The following CSMD1 variants were observed in gnomAD, a reference collection of about 807,000 sequenced individuals.
CSMD1 encodes the protein CUB and Sushi multiple domains 1.
In CSMD1, 213 loss-of-function variants were observed where a neutral mutation model predicts 417.5. The ratio of observed to expected loss-of-function variants is 0.51; its 90% CI spans 0.46 to 0.57. The LOEUF (loss-of-function observed/expected upper bound fraction) is 0.57. CSMD1 is among the 20% of genes least tolerant of loss of function. The probability of loss-of-function intolerance (pLI) is 0.00; values close to 1 mark genes in which losing one functional copy is unlikely to be tolerated. For missense variants in CSMD1, 6,923 were observed against 4,529.7 expected, an observed-to-expected ratio of 1.53 and a Z score of -15.17; for synonymous variants, 2,862 against 1,736.8, an observed-to-expected ratio of 1.65 and a Z score of -16.11.
chr8:3,300,602 T>C (rs1000758208), intron 25 of CSMD1, among the ~76,000 whole-genome samples: 1 of 152,136 alleles, frequency 6.6e-6, no homozygotes, highest in African/African-American at 2.4e-5. Context: ...TAAGGAATTA[T>C]ATAAATATAA....
At chr8:3,913,068 C>A (rs1442307268) in intron 5 of CSMD1, among the ~76,000 whole-genome samples, 3 of 152,096 alleles carry the variant, frequency 2.0e-5, no homozygotes, top group African/African-American at 7.2e-5. Context: ...CATGGCAGCA[C>A]TAGGAAAGGA....
rs537363669 is a variant in CSMD1 at position 4,319,109 on chromosome 8, G to C, written c.415+100844C>G. ...ACATATACATGCACATAGTAACAAA[G>C]TAAGGAGGATTTTAAAAGCAGATTA... On this transcript the variant is annotated intron_variant, in intron 3 of 69. Coordinates refer to ENST00000635120, the MANE Select transcript of CSMD1 (RefSeq NM_033225.6). Among the ~76,000 whole-genome samples the C allele has an allele frequency of 4.1e-3, 618 of 152,206 alleles. 7 individuals are homozygous for C. Among genetic ancestry groups the C allele is most frequent in the Admixed American group, 8.1e-3 (124 of 15,292 alleles).
chr8:4,054,319 G>C (rs931582597), intron 3 of CSMD1, among the ~76,000 whole-genome samples: 3 of 152,130 alleles, frequency 2.0e-5, no homozygotes, highest in African/African-American at 7.2e-5. Context: ...CTCTCCTCTG[G>C]GGAGCTGGGG....
chr8:4,179,764 G>A (rs1369297511), intron 3 of CSMD1, among the ~76,000 whole-genome samples: 3 of 147,048 alleles, frequency 2.0e-5, no homozygotes, highest in African/African-American at 7.6e-5. Flanking sequence ...AAAAAGTGGT[G>A]AACAATATGA....
At chr8:3,671,840 G>A (rs1044867345) in intron 7 of CSMD1, among the ~76,000 whole-genome samples, 1 of 151,976 alleles carries the variant, frequency 6.6e-6, no homozygotes, top group Non-Finnish European at 1.5e-5. Flanking sequence ...TGACTTGAAA[G>A]CAGGCCCACT....
chr8:4,292,095 G>C lies in CSMD1; in HGVS notation c.415+127858C>G, dbSNP rs113628408. Among the ~76,000 whole-genome samples the C allele has an allele frequency of 1.3e-3, 191 of 152,220 alleles. 1 individual carries two copies. Among genetic ancestry groups the C allele is most frequent in the African/African-American group, 4.3e-3 (180 of 41,512 alleles). On this transcript the variant is annotated intron_variant, in intron 3 of 69. Coordinates refer to ENST00000635120, the MANE Select transcript of CSMD1 (RefSeq NM_033225.6). ...GAAAACACCAAGGAGATATACCAGG[G>C]AACAGGAACAATGAAGACCCTGGCC...
chr8:4,795,167 C>T lies in CSMD1; in HGVS notation c.86-157609G>A, dbSNP rs946729436. On this transcript the variant is annotated intron_variant, in intron 1 of 69. Coordinates refer to ENST00000635120, the MANE Select transcript of CSMD1 (RefSeq NM_033225.6). The stretch of plus-strand genomic sequence containing the variant: ...GTAAAGACGTCTAAGAATGTAGTAG[C>T]CACATTTTTAGGTGAAAAGACGCTT... Among the ~76,000 whole-genome samples the T allele has an allele frequency of 2.0e-5, 3 of 149,804 alleles. No individual in the cohort carries two copies. The East Asian group carries it at 5.9e-4, about 29-fold the overall frequency.
intron 3 of CSMD1, among the ~76,000 whole-genome samples, chr8:4,197,608 G>C (rs1028147436): frequency 1.3e-5 from 2 of 152,206 alleles, no homozygotes; most frequent in Admixed American, 1.3e-4. Flanking sequence ...GCTGGACATG[G>C]TGGCTCATGC....
At chr8:4,361,301 A>T (rs1801744922) in intron 3 of CSMD1, among the ~76,000 whole-genome samples, 1 of 152,182 alleles carries the variant, frequency 6.6e-6, no homozygotes, top group African/African-American at 2.4e-5. Context: ...CAAGATAAAG[A>T]AACTTATTTT....
At chr8:3,767,807 C>A (rs1221153144) in intron 5 of CSMD1, among the ~76,000 whole-genome samples, 1 of 152,150 alleles carries the variant, frequency 6.6e-6, no homozygotes, top group Admixed American at 6.5e-5. Context: ...ACACGGGCTT[C>A]CACCAGCACT....
chr8:3,953,244 G>C (rs551311708), intron 5 of CSMD1, among the ~76,000 whole-genome samples: 3 of 152,064 alleles, frequency 2.0e-5, no homozygotes, highest in South Asian at 4.1e-4. Flanking sequence ...AACTGATATA[G>C]GAGTTAAGGA....
Position 4,431,253 on chromosome 8 carries a change from A to C in CSMD1, c.303-11188T>G, listed in dbSNP as rs142019049. 4.0e-3 allele frequency among the ~76,000 whole-genome samples: 607 copies of C among 152,330 alleles called. 4 individuals carry two copies. The highest frequency in any genetic ancestry group is 0.014 in the African/African-American group (575 of 41,578). On this transcript the variant is annotated intron_variant, in intron 2 of 69. Coordinates refer to ENST00000635120, the MANE Select transcript of CSMD1 (RefSeq NM_033225.6). ...TTAAAAAAATAGTGAAATGGCTCAAAGATGTTAAATAATAATATGCAAATT... is the reference window on the plus strand; with the variant it reads ...TTAAAAAAATAGTGAAATGGCTCAACGATGTTAAATAATAATATGCAAATT...
At chr8:4,293,211 T>A (rs761332579) in intron 3 of CSMD1, among the ~76,000 whole-genome samples, 2 of 152,128 alleles carry the variant, frequency 1.3e-5, no homozygotes, top group Non-Finnish European at 2.9e-5. Context: ...GAGAGCCCAA[T>A]GATGCCGTCC....
chr8:3,373,422 T>G (rs545083445), intron 18 of CSMD1: 5 of 152,340 alleles, frequency 3.3e-5, no homozygotes, highest in South Asian at 4.1e-4. Flanking sequence ...AAACACAACG[T>G]AGTCCAATTC....
chr8:3,477,253 G>T (rs1339408481), intron 11 of CSMD1, among the ~76,000 whole-genome samples: 1 of 152,170 alleles, frequency 6.6e-6, no homozygotes, highest in Admixed American at 6.5e-5. Context: ...TTTTAAAAAA[G>T]GGGGAGATGT....
chr8:4,217,190 T>A (rs1296819703), intron 3 of CSMD1, among the ~76,000 whole-genome samples: 2 of 152,200 alleles, frequency 1.3e-5, no homozygotes, highest in Non-Finnish European at 2.9e-5. Flanking sequence ...CTGCTTATCA[T>A]GCAAAGTTAT....
intron 12 of CSMD1, among the ~76,000 whole-genome samples, chr8:3,415,722 A>G (rs966524044): frequency 6.6e-6 from 1 of 152,294 alleles, no homozygotes; most frequent in South Asian, 2.1e-4. Flanking sequence ...GATTTTATAT[A>G]TTCTGGAGAA....
chr8:3,535,481 G>A (rs879140108), intron 10 of CSMD1, among the ~76,000 whole-genome samples: 1 of 152,102 alleles, frequency 6.6e-6, no homozygotes, highest in Non-Finnish European at 1.5e-5. Context: ...ACTTATAAGT[G>A]GGAGCTAAAT....
At chr8:3,953,929 C>A (rs895773946) in intron 5 of CSMD1, among the ~76,000 whole-genome samples, 1 of 152,206 alleles carries the variant, frequency 6.6e-6, no homozygotes, top group African/African-American at 2.4e-5. Context: ...ACGGCCCTGG[C>A]AAGGGTGGCT....
Sources: gnomAD v4.1 joint callset for allele counts (sites outside exome capture counted in the v4.1 genomes callset) on GRCh38, gnomAD v4.1.1 for gene constraint, MANE v1.5 for transcripts, NCBI Gene and HGNC (gene_info 2026-07-23, HGNC 2026-07-21) for gene names.